Variants in LSM14A observed in about 807,000 individuals in gnomAD.
The protein encoded by LSM14A is LSM14A mRNA processing body assembly factor.
In LSM14A, 14 loss-of-function variants were observed where a neutral mutation model predicts 52.4. That is an observed-to-expected ratio of 0.27 (90% CI 0.18 to 0.42). LSM14A has a LOEUF of 0.42. Among genes scored for constraint, LSM14A ranks in the 10% least tolerant of loss-of-function variants. The pLI is 1.00. For synonymous variants in LSM14A, 185 were observed against 200.3 expected (o/e 0.92, Z 0.64); for missense variants, 417 against 581.8 (o/e 0.72, Z 2.91).
chr19:34,183,478 G>T (rs1202977316), intron 1 of LSM14A, among the ~76,000 whole-genome samples: 1 of 152,112 alleles, frequency 6.6e-6, no homozygotes, highest in Admixed American at 6.5e-5. Context: ...TTGAACCCAG[G>T]AGGCAGAGGT....
At chr19:34,200,623 T>C (rs1347860560) in intron 3 of LSM14A, among the ~76,000 whole-genome samples, 1 of 152,198 alleles carries the variant, frequency 6.6e-6, no homozygotes, top group Non-Finnish European at 1.5e-5. Context: ...GAGGAATATA[T>C]TGATATTCTG....
intron 9 of LSM14A, chr19:34,226,483 T>G (rs1029205166): frequency 2.6e-6 from 4 of 1,513,972 alleles, no homozygotes; most frequent in Admixed American, 2.3e-5. Context: ...AACAAATACT[T>G]TGGGAGGTGT....
chr19:34,227,514 G>T lies in LSM14A; in HGVS notation c.*126G>T. The T allele has an allele frequency of 2.8e-6, 2 of 708,852 alleles. No homozygotes were observed. Among genetic ancestry groups the T allele is most frequent in the South Asian group, 2.3e-5 (1 of 44,294 alleles). 43.9% of individuals were successfully genotyped at this position (708,852 alleles called of 1,614,324 possible). A position where few individuals can be genotyped will look rare whatever the true frequency, so the allele number is the denominator to read the frequency against. ...CATTTGTCACCAGCACTGGGTTTTT[G>T]TTTTTTGTTTGTTTTTCCGCTTAAT... On this transcript the variant is annotated 3_prime_UTR_variant, in exon 10 of 10. Coordinates refer to ENST00000544216, the MANE Select transcript of LSM14A (RefSeq NM_015578.4).
At chr19:34,197,263 G>A (rs1396221728) in intron 3 of LSM14A, among the ~76,000 whole-genome samples, 2 of 151,654 alleles carry the variant, frequency 1.3e-5, no homozygotes, top group African/African-American at 2.4e-5. Context: ...GCTAATTTTT[G>A]TATTTTCAGT....
At chr19:34,195,394 T>G (rs905469544) in intron 2 of LSM14A, 2 of 152,098 alleles carry the variant, frequency 1.3e-5, no homozygotes, top group Non-Finnish European at 2.9e-5. Flanking sequence ...GCCAGCCTGG[T>G]CTCAAACTAC....
chr19:34,194,167 T>C (rs2070674491), intron 1 of LSM14A, among the ~76,000 whole-genome samples: 1 of 152,072 alleles, frequency 6.6e-6, no homozygotes, highest in Non-Finnish European at 1.5e-5. Context: ...AGACCCAGTC[T>C]CATCAATAAA....
chr19:34,220,416 G>A (rs1471486084), intron 8 of LSM14A, among the ~76,000 whole-genome samples: 1 of 152,158 alleles, frequency 6.6e-6, no homozygotes, highest in African/African-American at 2.4e-5. Context: ...TGTCTAAGTA[G>A]GACCTTTTTT....
intron 9 of LSM14A, 60 bp downstream of exon 9, chr19:34,221,798 A>AT: frequency 6.5e-7 from 1 of 1,545,922 alleles, no homozygotes. Context: ...GACTCAAAAC[A>AT]TTTTTACTTG....
intron 8 of LSM14A, 52 bp from the exon 9 acceptor site, chr19:34,221,455 A>G: frequency 2.6e-6 from 4 of 1,560,446 alleles, no homozygotes; most frequent in Non-Finnish European, 3.5e-6. Flanking sequence ...ATTTTGGCTG[A>G]GGGATATTCT....
chr19:34,187,202 T>C (rs1057185357), intron 1 of LSM14A, among the ~76,000 whole-genome samples: 30 of 148,940 alleles, frequency 2.0e-4, no homozygotes, highest in African/African-American at 6.7e-4. Context: ...TGAGACGAGA[T>C]CGCGCCACTG....
chr19:34,194,690 G>T (rs777501267), intron 2 of LSM14A, 49 bp downstream of exon 2: 6 of 1,577,906 alleles, frequency 3.8e-6, no homozygotes, highest in East Asian at 2.2e-5. Context: ...TCCGCACAGG[G>T]TTAGCCTTGG....
intron 9 of LSM14A, among the ~76,000 whole-genome samples, chr19:34,225,773 T>C (rs2073307875): frequency 6.6e-6 from 1 of 152,130 alleles, no homozygotes; most frequent in African/African-American, 2.4e-5. Context: ...AAGGGTAATA[T>C]TGTAAATATA....
intron 3 of LSM14A, among the ~76,000 whole-genome samples, chr19:34,201,796 G>T (rs942275556): frequency 6.6e-6 from 1 of 152,012 alleles, no homozygotes; most frequent in Non-Finnish European, 1.5e-5. Flanking sequence ...TTACGTTTTC[G>T]TGTGTTATTA....
At chr19:34,177,488 A>C (rs1056445165) in intron 1 of LSM14A, among the ~76,000 whole-genome samples, 2 of 152,182 alleles carry the variant, frequency 1.3e-5, no homozygotes, top group Non-Finnish European at 2.9e-5. Context: ...CTACTCTTGA[A>C]ATTTTTGGCT....
Position 34,227,911 on chromosome 19 carries a change from G to C in LSM14A, c.*523G>C, listed in dbSNP as rs2073431030. Reference sequence around the variant, plus strand: ...ATTTCGTCAATTAATTAGGGTGCTGGATGGTAGAGAATTTTGTCAGTCAAC... The same window carrying C: ...ATTTCGTCAATTAATTAGGGTGCTGCATGGTAGAGAATTTTGTCAGTCAAC... On this transcript the variant is annotated 3_prime_UTR_variant, in exon 10 of 10. Coordinates refer to ENST00000544216, the MANE Select transcript of LSM14A (RefSeq NM_015578.4). 6.6e-6 allele frequency: 1 copy of C among 152,428 alleles called. No homozygotes were observed. The highest frequency in any genetic ancestry group is 1.5e-5 in the Non-Finnish European group (1 of 68,228). 9.4% of individuals were successfully genotyped at this position (152,428 alleles called of 1,614,324 possible).
rs1306032515 is a variant in LSM14A at position 34,172,537 on chromosome 19, A to C, written c.-106A>C. The C allele has an allele frequency of 1.8e-5, 23 of 1,308,352 alleles. No individual in the cohort carries two copies. Among genetic ancestry groups the C allele is most frequent in the Non-Finnish European group, 2.0e-6 (2 of 1,009,464 alleles). 81.0% of individuals were successfully genotyped at this position (1,308,352 alleles called of 1,614,324 possible). ...CGGCGCCGCCGCCATGTTGGGTCTG[A>C]AGCGGCTGCTGTAGGCGCCGACGGA... On this transcript the variant is annotated 5_prime_UTR_variant, in exon 1 of 10. Coordinates refer to ENST00000544216, the MANE Select transcript of LSM14A (RefSeq NM_015578.4).
chr19:34,173,914 C>G (rs183900105), intron 1 of LSM14A, among the ~76,000 whole-genome samples: 1 of 150,036 alleles, frequency 6.7e-6, no homozygotes, highest in African/African-American at 2.5e-5. Flanking sequence ...AATAATATTT[C>G]TTGGATGCTC....
At chr19:34,199,956 A>G (rs1034679681) in intron 3 of LSM14A, among the ~76,000 whole-genome samples, 1 of 152,260 alleles carries the variant, frequency 6.6e-6, no homozygotes, top group Non-Finnish European at 1.5e-5. Flanking sequence ...CAAAGGGGGA[A>G]AAATGTACCC....
intron 6 of LSM14A, among the ~76,000 whole-genome samples, chr19:34,216,954 G>A (rs1161003577): frequency 2.6e-5 from 4 of 151,990 alleles, no homozygotes; most frequent in Non-Finnish European, 2.9e-5. Context: ...AGTTTGAAAC[G>A]TTTCCTCATT....
Sources: gnomAD v4.1 joint callset for allele counts (sites outside exome capture counted in the v4.1 genomes callset) on GRCh38, gnomAD v4.1.1 for gene constraint, MANE v1.5 for transcripts, NCBI Gene and HGNC (gene_info 2026-07-23, HGNC 2026-07-21) for gene names.